SLC5A10: variants seen among roughly 807,000 people sequenced by gnomAD.
SLC5A10 encodes solute carrier family 5 member 10, also known as sodium/mannose cotransporter SLC5A10.
In SLC5A10, 55 loss-of-function variants were observed where a neutral mutation model predicts 68.9. The ratio of observed to expected loss-of-function variants is 0.80; its 90% CI spans 0.64 to 1.00. The LOEUF (loss-of-function observed/expected upper bound fraction) is 1.00. Among genes scored for constraint, SLC5A10 ranks in the 50% least tolerant of loss-of-function variants. SLC5A10 has a pLI of 0.00. For missense variants in SLC5A10, 732 were observed against 819.3 expected (o/e 0.89, Z 1.30); for synonymous variants, 344 against 344.8 (o/e 1.00, Z 0.02).
intron 9 of SLC5A10, among the ~76,000 whole-genome samples, chr17:18,987,386 C>T (rs1040483386): frequency 3.9e-5 from 6 of 152,224 alleles, no homozygotes; most frequent in African/African-American, 7.2e-5. Context: ...CAGGGCCTGG[C>T]GCACGGCCAA....
chr17:19,005,832 C>T (rs2043871279), intron 9 of SLC5A10, among the ~76,000 whole-genome samples: 1 of 152,234 alleles, frequency 6.6e-6, no homozygotes, highest in African/African-American at 2.4e-5. Flanking sequence ...TGCTACTGAA[C>T]ATAGTGGCCC....
At chr17:18,963,816 G>T (rs2042658613) in intron 5 of SLC5A10, among the ~76,000 whole-genome samples, 1 of 152,346 alleles carries the variant, frequency 6.6e-6, no homozygotes, top group African/African-American at 2.4e-5. Flanking sequence ...CTCCATCATT[G>T]TGGGGCTCTA....
rs1485199455 is a variant in SLC5A10 at position 18,952,408 on chromosome 17, G to C, written c.111+92G>C. 8.2e-6 allele frequency: 12 copies of C among 1,456,248 alleles called. No individual in the cohort carries two copies. The Admixed American group carries it at 2.1e-4, about 25-fold the overall frequency. The allele number at this position is 1,456,248 out of a possible 1,614,324, so 90.2% of individuals were successfully genotyped here. A position where few individuals can be genotyped will look rare whatever the true frequency, so the allele number is the denominator to read the frequency against. ...GGTCCAGCATGTCCCTGTGGTGTCA[G>C]CATTGGTCCCAGCTGGTGGCCTAGT... On this transcript the variant is annotated intron_variant, in intron 1 of 14. Coordinates refer to ENST00000395645, the MANE Select transcript of SLC5A10 (RefSeq NM_001042450.4).
chr17:19,001,779 C>T (rs1597892289), intron 9 of SLC5A10, among the ~76,000 whole-genome samples: 3 of 152,084 alleles, frequency 2.0e-5, no homozygotes, highest in East Asian at 1.9e-4. Flanking sequence ...CCTGGGAGCC[C>T]CTATCTGGCC....
At chr17:18,955,518 C>T (rs1176911717) in intron 1 of SLC5A10, among the ~76,000 whole-genome samples, 1 of 152,194 alleles carries the variant, frequency 6.6e-6, no homozygotes, top group Non-Finnish European at 1.5e-5. Flanking sequence ...GCCAGCAGCC[C>T]CCAGAGCCCC....
chr17:18,952,274 C>T lies in SLC5A10; in HGVS notation c.69C>T (p.Val23=), dbSNP rs1385832810. ...AGCTGAGCGTGGCTGACATCATCGT[C>T]ATCACTGTGTATTTTGCTCTGAATG... The part of the protein sequence containing the change: ...GTQLSVADII[V]ITVYFALNVA... Residue 23 remains valine, a synonymous_variant, in exon 1 of 15, where the codon GTC becomes GTT. Coordinates refer to ENST00000395645, the MANE Select transcript of SLC5A10 (RefSeq NM_001042450.4). 5 of 1,613,978 alleles carry T rather than the reference C, an allele frequency of 3.1e-6. No homozygotes were observed. The highest frequency in any genetic ancestry group is 1.3e-5 in the African/African-American group (1 of 75,056).
At chr17:18,970,624 G>T in intron 7 of SLC5A10, 1 of 273,454 alleles carries the variant, frequency 3.7e-6, no homozygotes, top group Non-Finnish European at 7.1e-6. Context: ...AGAAGCCTCA[G>T]GAAGGTCCTC....
chr17:18,967,760 C>G (rs2042740856), intron 5 of SLC5A10, among the ~76,000 whole-genome samples: 1 of 152,226 alleles, frequency 6.6e-6, no homozygotes, highest in Non-Finnish European at 1.5e-5. Context: ...CCTTTCCCTT[C>G]CTGGGGCCTC....
At chr17:18,958,470 A>C (rs1255632227) in intron 1 of SLC5A10, among the ~76,000 whole-genome samples, 1 of 152,222 alleles carries the variant, frequency 6.6e-6, no homozygotes, top group Non-Finnish European at 1.5e-5. Context: ...ACTTTTGGCT[A>C]TTATGAATAA....
At chr17:19,009,401 A>C (rs1209237236) in intron 9 of SLC5A10, among the ~76,000 whole-genome samples, 1 of 151,382 alleles carries the variant, frequency 6.6e-6, no homozygotes, top group African/African-American at 2.5e-5. Context: ...TTTGTTGTTT[A>C]ATTGAGATGG....
chr17:19,005,562 C>A (rs2044864885), intron 9 of SLC5A10, among the ~76,000 whole-genome samples: 1 of 152,168 alleles, frequency 6.6e-6, no homozygotes, highest in Non-Finnish European at 1.5e-5. Context: ...CCCATACTTG[C>A]TCTGGATCTG....
At chr17:18,964,190 C>T (rs1210161072) in intron 5 of SLC5A10, among the ~76,000 whole-genome samples, 2 of 152,186 alleles carry the variant, frequency 1.3e-5, no homozygotes, top group Non-Finnish European at 2.9e-5. Flanking sequence ...TCCGTTGGTT[C>T]CCTTGCTCAC....
chr17:18,961,764 G>T (rs1208692252), intron 5 of SLC5A10, among the ~76,000 whole-genome samples: 2 of 152,124 alleles, frequency 1.3e-5, no homozygotes, highest in African/African-American at 2.4e-5. Flanking sequence ...CCCGGTGGGG[G>T]TCTCATGCAG....
Position 19,017,950 on chromosome 17 carries a change from C to G in SLC5A10, c.1242-1473C>G, listed in dbSNP as rs1236410974. 6.4e-6 allele frequency: 1 copy of G among 155,350 alleles called. No individual in the cohort carries two copies. Among genetic ancestry groups the G allele is most frequent in the Non-Finnish European group, 1.4e-5 (1 of 70,076 alleles). The allele number at this position is 155,350 out of a possible 1,614,324, so 9.6% of individuals were successfully genotyped here. ...GGGCCTGGCTGGAGTGGCCCCAGCC[C>G]TGGCACAGAGATGCAGAGTCTGGTG... On this transcript the variant is annotated intron_variant, in intron 11 of 14. Coordinates refer to ENST00000395645, the MANE Select transcript of SLC5A10 (RefSeq NM_001042450.4). The surrounding 1 kb of genome is among the most constrained non-coding windows in gnomAD (Gnocchi z 5.6).
At chr17:18,963,375 G>A (rs902898150) in intron 5 of SLC5A10, among the ~76,000 whole-genome samples, 4 of 152,224 alleles carry the variant, frequency 2.6e-5, no homozygotes, top group African/African-American at 9.6e-5. Flanking sequence ...AAGCAGCCAG[G>A]ACGTGGCCTT....
chr17:18,975,590 A>T (rs181127699), intron 8 of SLC5A10: 150 of 152,298 alleles, frequency 9.8e-4, no homozygotes, highest in African/African-American at 3.3e-3. Flanking sequence ...GCTACTTGGG[A>T]GGCTGAGGCA....
Position 19,004,178 on chromosome 17 carries a change from A to G in SLC5A10, c.983-9232A>G, listed in dbSNP as rs2043815330. The G allele has an allele frequency of 1.4e-5, 12 of 831,390 alleles. No homozygotes were observed. The South Asian group carries it at 2.3e-4, about 16-fold the overall frequency. The allele number at this position is 831,390 out of a possible 1,614,324, so 51.5% of individuals were successfully genotyped here. A position where few individuals can be genotyped will look rare whatever the true frequency, so the allele number is the denominator to read the frequency against. ...CTCTGCCCATGAGCAATCTGCGGGA[A>G]AGACCTGATGAGCCCGGCTCGGCGG... On this transcript the variant is annotated intron_variant, in intron 9 of 14. Coordinates refer to ENST00000395645, the MANE Select transcript of SLC5A10 (RefSeq NM_001042450.4). This position sits in a 1 kb window ranked among gnomAD's most constrained non-coding sequence, Gnocchi z 5.4.
intron 9 of SLC5A10, chr17:18,979,654 C>T (rs201510193): frequency 6.2e-7 from 1 of 1,613,502 alleles, no homozygotes; most frequent in East Asian, 2.2e-5. Context: ...AGTTCCCCCG[C>T]TGCTCCGCAC....
chr17:18,956,050 C>T (rs1431497128), intron 1 of SLC5A10, among the ~76,000 whole-genome samples: 3 of 151,958 alleles, frequency 2.0e-5, no homozygotes, highest in South Asian at 2.1e-4. Flanking sequence ...CAAAATTAGC[C>T]GGGCATGGTG....
Sources: gnomAD v4.1 joint callset for allele counts (sites outside exome capture counted in the v4.1 genomes callset) on GRCh38, gnomAD v4.1.1 for gene constraint, Gnocchi (gnomAD v3.1) non-coding constraint, MANE v1.5 for transcripts, NCBI Gene and HGNC (gene_info 2026-07-23, HGNC 2026-07-21) for gene names.